PID1: variants seen among roughly 807,000 people sequenced by gnomAD.
The protein encoded by PID1 is phosphotyrosine interaction domain containing 1.
A neutral mutation model predicts 19.1 loss-of-function variants in PID1; 10 were observed. The observed-to-expected ratio is 0.52, with a 90% CI of 0.32 to 0.89. PID1 has a LOEUF of 0.89. Ranked by LOEUF, PID1 falls within the 40% of genes least tolerant of loss-of-function variation. The pLI, the probability that PID1 is intolerant of heterozygous loss-of-function variation, is 0.03. For synonymous variants in PID1, 130 were observed against 116.0 expected (o/e 1.12, Z -0.78); for missense variants, 248 against 285.3 (o/e 0.87, Z 0.94).
chr2:229,124,471 T>C (rs1255848769), intron 2 of PID1, among the ~76,000 whole-genome samples: 1 of 152,156 alleles, frequency 6.6e-6, no homozygotes, highest in African/African-American at 2.4e-5. Flanking sequence ...TAAACAGTTA[T>C]AAACAAGAAA....
intron 1 of PID1, among the ~76,000 whole-genome samples, chr2:229,164,654 A>G (rs1459074632): frequency 6.6e-6 from 1 of 152,214 alleles, no homozygotes; most frequent in African/African-American, 2.4e-5. Flanking sequence ...GAAGTTAAGA[A>G]ACAACAGTTT....
chr2:229,132,208 G>T (rs947365373), intron 2 of PID1, among the ~76,000 whole-genome samples: 1 of 152,276 alleles, frequency 6.6e-6, no homozygotes, highest in Middle Eastern at 3.4e-3. Context: ...ACAAAGCCTT[G>T]TTCTATCTCC....
intron 1 of PID1, among the ~76,000 whole-genome samples, chr2:229,201,715 G>C (rs1446548155): frequency 6.6e-6 from 1 of 152,032 alleles, no homozygotes; most frequent in Non-Finnish European, 1.5e-5. Flanking sequence ...GCTTTCCACA[G>C]CAGTTGCATC....
At chr2:229,122,346 C>G (rs1695540702) in intron 2 of PID1, among the ~76,000 whole-genome samples, 1 of 152,064 alleles carries the variant, frequency 6.6e-6, no homozygotes, top group East Asian at 1.9e-4. Flanking sequence ...AGGCATATCC[C>G]CGTGGGGCTC....
At chr2:229,159,119 G>A (rs1192443730) in intron 1 of PID1, among the ~76,000 whole-genome samples, 1 of 152,182 alleles carries the variant, frequency 6.6e-6, no homozygotes, top group Non-Finnish European at 1.5e-5. Context: ...AAGGATAAAT[G>A]CTTGAAGGGA....
At chr2:229,200,821 C>T (rs1362443796) in intron 1 of PID1, among the ~76,000 whole-genome samples, 2 of 152,060 alleles carry the variant, frequency 1.3e-5, no homozygotes, top group African/African-American at 4.8e-5. Flanking sequence ...TGAAATGATA[C>T]ATCCTAAGTC....
rs149767155 is a variant in PID1, at chr2:229,054,505, A to T, written c.178-28397T>A. Among the ~76,000 whole-genome samples the T allele has an allele frequency of 6.6e-5, 10 of 152,228 alleles. 1 individual carries two copies. The East Asian group carries it at 1.9e-3, about 29-fold the overall frequency. ...TTGAAAGCAGTGTTTATACAAGTTTATTTTGGTGGTGGTGGTGGTCAAAGT... is the reference window on the plus strand; with the variant it reads ...TTGAAAGCAGTGTTTATACAAGTTTTTTTTGGTGGTGGTGGTGGTCAAAGT... On this transcript the variant is annotated intron_variant, in intron 2 of 2. Transcript: ENST00000392055.
chr2:229,026,071 T>C lies in PID1; in HGVS notation c.215A>G (p.Gln72Arg), dbSNP rs1693415735. Reference sequence around the variant, plus strand: ...CTTTTCTGTGCAGCCTGACAAAAACTGCATGCCAGTGGTGGAGACTTTGCC... The same window carrying C: ...CTTTTCTGTGCAGCCTGACAAAAACCGCATGCCAGTGGTGGAGACTTTGCC... ...YLGKVSTTGM[Q>R]FLSGCTEKPV... The change falls in exon 3 of 3, where the codon CAG becomes CGG. Residue 72 changes from glutamine (Q) to arginine (R), a missense_variant. Physicochemically the swap from Gln to Arg is conservative, Grantham distance 43. Transcript: ENST00000392055. 3.7e-6 allele frequency: 6 copies of C among 1,614,126 alleles called. No individual in the cohort carries two copies. Among genetic ancestry groups the C allele is most frequent in the Non-Finnish European group, 5.1e-6 (6 of 1,179,998 alleles).
At chr2:229,165,965 T>C (rs994884386) in intron 1 of PID1, among the ~76,000 whole-genome samples, 15 of 152,208 alleles carry the variant, frequency 9.9e-5, no homozygotes, top group Non-Finnish European at 2.1e-4. Flanking sequence ...TTCTATTGTC[T>C]AGCAATGAAA....
chr2:229,033,702 C>G (rs1218444549), intron 2 of PID1, among the ~76,000 whole-genome samples: 1 of 152,188 alleles, frequency 6.6e-6, no homozygotes, highest in Non-Finnish European at 1.5e-5. Flanking sequence ...AAATATTTTA[C>G]TGTTTTTCCA....
chr2:229,240,672 GC>G, intron 1 of PID1, among the ~76,000 whole-genome samples: 1 of 152,104 alleles, frequency 6.6e-6, no homozygotes, highest in Admixed American at 6.5e-5. Context: ...ACTATGATTT[GC>G]CTAAAAAACA....
At position 229,170,842 on chromosome 2, in the gene PID1, A is replaced by G. The variant is rs150224624; in HGVS notation, c.31-14878T>C. Among the ~76,000 whole-genome samples, 573 of 152,350 alleles carry G rather than the reference A, an allele frequency of 3.8e-3. 1 individual carries two copies. The highest frequency in any genetic ancestry group is 0.013 in the African/African-American group (555 of 41,580). On this transcript the variant is annotated intron_variant, in intron 1 of 2. Coordinates refer to ENST00000392055, the MANE Select transcript of PID1 (RefSeq NM_001100818.2). ...GAGGGAGAAACAGCCCTGAGTGCTT[A>G]TCTTCCTCCGAAGTAATAAATGAGG...
At chr2:229,103,645 T>G (rs530998304) in intron 2 of PID1, among the ~76,000 whole-genome samples, 1 of 150,892 alleles carries the variant, frequency 6.6e-6, no homozygotes, top group South Asian at 2.1e-4. Flanking sequence ...CGGTGTGATC[T>G]TGGCTCACTG....
At chr2:229,084,741 G>A (rs1484790490) in intron 2 of PID1, among the ~76,000 whole-genome samples, 1 of 152,156 alleles carries the variant, frequency 6.6e-6, no homozygotes, top group Non-Finnish European at 1.5e-5. Flanking sequence ...AACAAAGGGC[G>A]AGTGGAGTCT....
At position 229,262,873 on chromosome 2, in the gene PID1, T is replaced by C. The variant is rs536259730; in HGVS notation, c.30+8141A>G. 125 of 1,533,624 alleles carry C rather than the reference T, an allele frequency of 8.2e-5. 1 individual carries two copies. The South Asian group carries it at 1.5e-3, about 18-fold the overall frequency. On this transcript the variant is annotated intron_variant, in intron 1 of 2. Coordinates refer to ENST00000392055, the MANE Select transcript of PID1 (RefSeq NM_001100818.2). ...TTCACAATGGCCTTCTCTGTGCCGC[T>C]TCTGTGTCTGCAAATCTCTCCTTAT... is the stretch of plus-strand genomic sequence containing the variant.
intron 1 of PID1, among the ~76,000 whole-genome samples, chr2:229,241,752 C>A (rs1411578796): frequency 6.6e-6 from 1 of 152,168 alleles, no homozygotes; most frequent in Non-Finnish European, 1.5e-5. Context: ...AACCACTTCT[C>A]TGCTGAAGTT....
At chr2:229,067,761 C>G (rs1427915221) in intron 2 of PID1, among the ~76,000 whole-genome samples, 2 of 152,170 alleles carry the variant, frequency 1.3e-5, no homozygotes, top group African/African-American at 4.8e-5. Flanking sequence ...CATCCATCTC[C>G]CCTCCAAGAT....
Position 229,260,816 on chromosome 2 carries a change from C to CTTTT in PID1, c.30+10197_30+10198insAAAA, listed in dbSNP as rs1319033110. Among the ~76,000 whole-genome samples, 13 of 121,180 alleles carry CTTTT rather than the reference C, an allele frequency of 1.1e-4. 1 individual carries two copies. Among genetic ancestry groups the CTTTT allele is most frequent in the South Asian group, 5.8e-4 (2 of 3,470 alleles). The allele number at this position is 121,180 out of a possible 152,430, so 79.5% of individuals were successfully genotyped here. A position where few individuals can be genotyped will look rare whatever the true frequency, so the allele number is the denominator to read the frequency against. On this transcript the variant is annotated intron_variant, in intron 1 of 2. Coordinates refer to ENST00000392055, the MANE Select transcript of PID1 (RefSeq NM_001100818.2). ...CAGATGTAGAGAAAATTCTGATTGC[C>CTTTT]ATTTTTTTTTTTTTTTTTTTTTTGG...
At chr2:229,199,755 C>CAT (rs775669124) in intron 1 of PID1, among the ~76,000 whole-genome samples, 3 of 146,210 alleles carry the variant, frequency 2.1e-5, no homozygotes, top group African/African-American at 7.5e-5. Context: ...TACACATACA[C>CAT]ACACACACAC....
Sources: allele counts gnomAD v4.1 joint callset (sites outside exome capture counted in the v4.1 genomes callset), GRCh38; gene constraint gnomAD v4.1.1; transcripts MANE v1.5; gene names NCBI Gene and HGNC (gene_info 2026-07-23, HGNC 2026-07-21).